Variants in NCAPG2 observed in about 807,000 individuals in gnomAD.
NCAPG2 encodes non-SMC condensin II complex subunit G2.
Under a neutral mutation model 141.1 loss-of-function variants are expected in NCAPG2, and 53 were observed. The ratio of observed to expected loss-of-function variants is 0.38; its 90% CI spans 0.30 to 0.47. NCAPG2 has a LOEUF of 0.47. Ranked by LOEUF, NCAPG2 falls within the 20% of genes least tolerant of loss-of-function variation. The pLI is 0.99. For missense variants in NCAPG2, 1,087 were observed against 1,389.0 expected, an observed-to-expected ratio of 0.78 and a Z score of 3.46; for synonymous variants, 499 against 490.7, an observed-to-expected ratio of 1.02 and a Z score of -0.22.
chr7:158,644,159 C>A, intron 27 of NCAPG2, 130 bp downstream of exon 27: 2 of 649,894 alleles, frequency 3.1e-6, no homozygotes, highest in East Asian at 2.6e-5. Flanking sequence ...AGAAACATTT[C>A]TCTCCTTAGA....
intron 12 of NCAPG2, among the ~76,000 whole-genome samples, chr7:158,672,100 C>T (rs1007980964): frequency 2.2e-4 from 33 of 151,818 alleles, no homozygotes; most frequent in Admixed American, 3.9e-4. Flanking sequence ...GTGACTCGAA[C>T]GCACTCTCGG....
intron 2 of NCAPG2, 137 bp downstream of exon 2, chr7:158,701,685 G>A (rs1835800651): frequency 1.3e-6 from 1 of 793,904 alleles, no homozygotes; most frequent in Non-Finnish European, 2.0e-6. Flanking sequence ...AAAGGGTTTT[G>A]TTTTCTTCTT....
At position 158,690,799 on chromosome 7, in the gene NCAPG2, T is replaced by C. The variant is rs1006917030; in HGVS notation, c.383-77A>G. ...TCAGAGTCAACAGTTTAGAGTATCATGACTTTATATATTATTTAAAGCTTT... is the reference window on the plus strand; with the variant it reads ...TCAGAGTCAACAGTTTAGAGTATCACGACTTTATATATTATTTAAAGCTTT... On this transcript the variant is annotated intron_variant, in intron 4 of 27. Transcript: ENST00000356309. The C allele has an allele frequency of 6.8e-6, 9 of 1,317,136 alleles. No homozygotes were observed. The African/African-American group carries it at 1.2e-4, about 17-fold the overall frequency. 81.6% of individuals were successfully genotyped at this position (1,317,136 alleles called of 1,614,324 possible). A position where few individuals can be genotyped will look rare whatever the true frequency, so the allele number is the denominator to read the frequency against.
At chr7:158,693,046 A>C in intron 3 of NCAPG2, 90 bp from the exon 4 acceptor site, 1 of 989,574 alleles carries the variant, frequency 1.0e-6, no homozygotes, top group Non-Finnish European at 1.5e-6. Flanking sequence ...ATTTTCTAAA[A>C]ATCAAGCCAC....
chr7:158,666,665 G>A (rs1313686317), intron 13 of NCAPG2, among the ~76,000 whole-genome samples: 3 of 151,778 alleles, frequency 2.0e-5, no homozygotes, highest in East Asian at 1.9e-4. Context: ...AGTGGCTCCC[G>A]CCTGTAGTCC....
chr7:158,692,198 T>G (rs3763405), intron 4 of NCAPG2, among the ~76,000 whole-genome samples: 134,520 of 152,170 alleles, frequency 0.88, 59,532 homozygotes, highest in Admixed American at 0.93. Flanking sequence ...TCCCAGCTAC[T>G]AAGGAGGCTG....
intron 12 of NCAPG2, among the ~76,000 whole-genome samples, chr7:158,673,435 CCTT>C (rs1406399601): frequency 2.0e-5 from 3 of 152,302 alleles, no homozygotes; most frequent in Non-Finnish European, 4.4e-5. Flanking sequence ...GAAGAAAATG[CCTT>C]CTTCTTCCCG....
chr7:158,640,693 T>C (rs1830581954), intron 27 of NCAPG2: 1 of 152,114 alleles, frequency 6.6e-6, no homozygotes, highest in South Asian at 2.1e-4. Flanking sequence ...AGACATGCCT[T>C]GAAAGAAGCA....
intron 1 of NCAPG2, among the ~76,000 whole-genome samples, chr7:158,703,105 A>G (rs111798539): frequency 6.6e-6 from 1 of 152,204 alleles, no homozygotes; most frequent in African/African-American, 2.4e-5. Flanking sequence ...TGTGTAGGCT[A>G]CACCTCTAGG....
At chr7:158,702,491 GATA>G (rs1835872981) in intron 1 of NCAPG2, 1 of 152,278 alleles carries the variant, frequency 6.6e-6, no homozygotes. Context: ...ACCCCTTCGG[GATA>G]ATGAGAGCTC....
At chr7:158,645,724 G>T in intron 25 of NCAPG2, 105 bp from the exon 26 acceptor site, 1 of 994,574 alleles carries the variant, frequency 1.0e-6, no homozygotes. Flanking sequence ...ACCCCAGTTT[G>T]CAGGGGACGT....
intron 13 of NCAPG2, chr7:158,667,030 G>T: frequency 1.4e-6 from 1 of 701,002 alleles, no homozygotes; most frequent in Non-Finnish European, 1.8e-6. Context: ...ATGCCCTCCC[G>T]TCAGCTCCAA....
intron 6 of NCAPG2, among the ~76,000 whole-genome samples, chr7:158,688,825 C>A (rs1012863422): frequency 6.6e-6 from 1 of 152,224 alleles, no homozygotes; most frequent in South Asian, 2.1e-4. Flanking sequence ...CTGCAGATGG[C>A]TCGCCGGGGT....
chr7:158,667,152 C>G (rs1436748382), intron 13 of NCAPG2: 1 of 985,302 alleles, frequency 1.0e-6, no homozygotes, highest in Non-Finnish European at 1.2e-6. Context: ...AGACACCTCA[C>G]AACCAAATGG....
chr7:158,699,460 A>G (rs893604598), intron 2 of NCAPG2, among the ~76,000 whole-genome samples: 1 of 152,244 alleles, frequency 6.6e-6, no homozygotes, highest in Non-Finnish European at 1.5e-5. Flanking sequence ...GTGAATGCAG[A>G]AAACTGCACC....
In NCAPG2 at chr7:158,675,537, C is replaced by T. The variant is rs761437144; in HGVS notation, c.1266G>A (p.Lys422=). 5 of 1,613,262 alleles carry T rather than the reference C, an allele frequency of 3.1e-6. No homozygotes were observed. The South Asian group carries it at 3.3e-5, about 11-fold the overall frequency. Residue 422 remains lysine, a synonymous_variant, in exon 12 of 28, where the codon AAG becomes AAA. Transcript: ENST00000356309. The part of the protein sequence containing the change: ...PPTILIDLLK[K]VTGELAFDTS... Reference sequence around the variant, plus strand: ...TGTCAAATGCCAGTTCCCCAGTCACCTTCTTCAGGAGGTCAATAAGAATGG... The same window carrying T: ...TGTCAAATGCCAGTTCCCCAGTCACTTTCTTCAGGAGGTCAATAAGAATGG...
intron 15 of NCAPG2, among the ~76,000 whole-genome samples, chr7:158,662,662 T>G (rs1356614518): frequency 1.3e-5 from 2 of 152,224 alleles, no homozygotes; most frequent in African/African-American, 4.8e-5. Context: ...CATAACACCC[T>G]ATTAAAAAAC....
chr7:158,651,223 C>T (rs756363593), intron 23 of NCAPG2, among the ~76,000 whole-genome samples: 20 of 151,930 alleles, frequency 1.3e-4, no homozygotes, highest in Non-Finnish European at 2.8e-4. Context: ...ATTCTTTCCC[C>T]AAAGCCAAGA....
At chr7:158,670,624 G>A in intron 13 of NCAPG2, among the ~76,000 whole-genome samples, 1 of 152,148 alleles carries the variant, frequency 6.6e-6, no homozygotes, top group East Asian at 1.9e-4. Context: ...ACCCATATCT[G>A]AGCAATATTT....
Sources: allele counts gnomAD v4.1 joint callset (sites outside exome capture counted in the v4.1 genomes callset), GRCh38; gene constraint gnomAD v4.1.1; transcripts MANE v1.5; gene names NCBI Gene and HGNC (gene_info 2026-07-23, HGNC 2026-07-21).